Variants in INPP4B observed in about 807,000 individuals in gnomAD.
INPP4B encodes inositol polyphosphate-4-phosphatase type II B.
Under a neutral mutation model 122.5 loss-of-function variants are expected in INPP4B, and 55 were observed. The ratio of observed to expected loss-of-function variants is 0.45; its 90% CI spans 0.36 to 0.56. INPP4B has a LOEUF of 0.56. Ranked by LOEUF, INPP4B falls within the 20% of genes least tolerant of loss-of-function variation. The pLI is 0.00. For synonymous variants in INPP4B, 403 were observed against 388.7 expected, an observed-to-expected ratio of 1.04 and a Z score of -0.43; for missense variants, 1,000 against 1,097.7, an observed-to-expected ratio of 0.91 and a Z score of 1.26.
At chr4:142,383,350 T>C (rs1794867589) in intron 7 of INPP4B, among the ~76,000 whole-genome samples, 2 of 152,208 alleles carry the variant, frequency 1.3e-5, no homozygotes, top group South Asian at 4.1e-4. Context: ...ACTGCTTATG[T>C]ACCAGTGTTT....
At chr4:142,775,764 A>G (rs1773804104) in intron 1 of INPP4B, among the ~76,000 whole-genome samples, 1 of 152,066 alleles carries the variant, frequency 6.6e-6, no homozygotes, top group Non-Finnish European at 1.5e-5. Flanking sequence ...TATATTTTAG[A>G]TAGAAGTCCA....
At chr4:142,580,578 C>G (rs887370614) in intron 2 of INPP4B, among the ~76,000 whole-genome samples, 1 of 151,944 alleles carries the variant, frequency 6.6e-6, no homozygotes, top group African/African-American at 2.4e-5. Context: ...AAAATGAACC[C>G]AACACAGGTT....
chr4:142,265,150 G>A (rs79944336), intron 10 of INPP4B, among the ~76,000 whole-genome samples: 5,851 of 152,220 alleles, frequency 0.038, 371 homozygotes, highest in African/African-American at 0.13. Flanking sequence ...TTCCAGAACC[G>A]TGAGAAAATA....
intron 25 of INPP4B, among the ~76,000 whole-genome samples, chr4:142,074,805 G>A (rs979562860): frequency 1.3e-5 from 2 of 151,544 alleles, no homozygotes; most frequent in African/African-American, 2.4e-5. Context: ...ACACTTAAAC[G>A]TAAGCAAAAT....
chr4:142,845,626 G>T (rs1396031031), intron 1 of INPP4B, among the ~76,000 whole-genome samples: 1 of 152,106 alleles, frequency 6.6e-6, no homozygotes, highest in Non-Finnish European at 1.5e-5. Flanking sequence ...AAGGAGATGG[G>T]CTCTTTATTT....
At chr4:142,562,715 A>G (rs1268238617) in intron 2 of INPP4B, among the ~76,000 whole-genome samples, 1 of 152,160 alleles carries the variant, frequency 6.6e-6, no homozygotes, top group Non-Finnish European at 1.5e-5. Flanking sequence ...AGAAAAAAAA[A>G]TAGAGAGATA....
At chr4:142,194,109 C>A (rs1485323789) in intron 14 of INPP4B, among the ~76,000 whole-genome samples, 1 of 152,088 alleles carries the variant, frequency 6.6e-6, no homozygotes, top group Non-Finnish European at 1.5e-5. Context: ...AGGTAAATAC[C>A]ATAACTTCTT....
At chr4:142,651,092 G>A (rs1293683786) in intron 2 of INPP4B, among the ~76,000 whole-genome samples, 2 of 152,142 alleles carry the variant, frequency 1.3e-5, no homozygotes, top group African/African-American at 4.8e-5. Context: ...CAACTACATA[G>A]AAACTGAAAT....
At chr4:142,411,268 A>G (rs1171575907) in intron 5 of INPP4B, among the ~76,000 whole-genome samples, 1 of 152,228 alleles carries the variant, frequency 6.6e-6, no homozygotes, top group Non-Finnish European at 1.5e-5. Context: ...TCAGTGGATG[A>G]TGGCCCACAG....
chr4:142,464,479 G>T (rs960428594), intron 2 of INPP4B, among the ~76,000 whole-genome samples: 3 of 151,894 alleles, frequency 2.0e-5, no homozygotes, highest in African/African-American at 7.2e-5. Context: ...ATATAAGCAG[G>T]TGAAACTACA....
intron 12 of INPP4B, among the ~76,000 whole-genome samples, chr4:142,232,352 T>C (rs1854759220): frequency 6.6e-6 from 1 of 152,188 alleles, no homozygotes; most frequent in African/African-American, 2.4e-5. Context: ...GCTTACTTCC[T>C]ATCTCTGTGT....
intron 8 of INPP4B, among the ~76,000 whole-genome samples, chr4:142,308,677 A>G (rs1764338990): frequency 6.6e-6 from 1 of 151,960 alleles, no homozygotes; most frequent in African/African-American, 2.4e-5. Context: ...TAAAGCTATT[A>G]TATCTTTGCT....
chr4:142,423,730 T>C (rs949195321), intron 5 of INPP4B: 4 of 422,538 alleles, frequency 9.5e-6, no homozygotes, highest in African/African-American at 8.4e-5. Context: ...CATATCCACA[T>C]GACACTTTTT....
intron 1 of INPP4B, among the ~76,000 whole-genome samples, chr4:142,827,454 C>A (rs1331905707): frequency 5.3e-5 from 8 of 152,136 alleles, no homozygotes; most frequent in Non-Finnish European, 1.0e-4. Context: ...TAATTTGTTA[C>A]CATTCACCAA....
chr4:142,755,889 A>G lies in INPP4B; in HGVS notation c.-253-29988T>C, dbSNP rs79359639. On this transcript the variant is annotated intron_variant, in intron 1 of 25. Coordinates refer to ENST00000262992, the MANE Select transcript of INPP4B (RefSeq NM_001101669.3). ...AACACTAGTAGTTTCTCACCCAGAA[A>G]TTGTTCCCCACAAACACCTTTGTTA... Among the ~76,000 whole-genome samples, 886 of 152,122 alleles carry G rather than the reference A, an allele frequency of 5.8e-3. 15 individuals carry two copies. The highest frequency in any genetic ancestry group is 0.021 in the African/African-American group (852 of 41,530).
At chr4:142,665,646 T>A (rs1482866494) in intron 2 of INPP4B, among the ~76,000 whole-genome samples, 1 of 152,068 alleles carries the variant, frequency 6.6e-6, no homozygotes, top group African/African-American at 2.4e-5. Flanking sequence ...GTCAAAGAAG[T>A]ATAAAAAATG....
chr4:142,295,990 T>C (rs1758530881), intron 9 of INPP4B, among the ~76,000 whole-genome samples: 1 of 152,212 alleles, frequency 6.6e-6, no homozygotes, highest in Non-Finnish European at 1.5e-5. Flanking sequence ...TAATCATTCC[T>C]GCAAATTATC....
At chr4:142,595,835 G>T (rs921570241) in intron 2 of INPP4B, among the ~76,000 whole-genome samples, 5 of 152,120 alleles carry the variant, frequency 3.3e-5, no homozygotes, top group African/African-American at 1.2e-4. Flanking sequence ...GAAAAGCCAA[G>T]GTAGATTCTA....
chr4:142,782,802 G>T (rs1326180361), intron 1 of INPP4B, among the ~76,000 whole-genome samples: 1 of 152,070 alleles, frequency 6.6e-6, no homozygotes, highest in African/African-American at 2.4e-5. Context: ...GCATGGTACT[G>T]GTACCAAAAC....
Sources: allele counts gnomAD v4.1 joint callset (sites outside exome capture counted in the v4.1 genomes callset), GRCh38; gene constraint gnomAD v4.1.1; transcripts MANE v1.5; gene names NCBI Gene and HGNC (gene_info 2026-07-23, HGNC 2026-07-21).